The following RAB11FIP1 variants were observed in gnomAD, a reference collection of about 807,000 sequenced individuals.
RAB11FIP1 encodes the protein RAB11 family interacting protein 1, also known as rab11 family-interacting protein 1.
In RAB11FIP1, 49 loss-of-function variants were observed where a neutral mutation model predicts 83.1. The ratio of observed to expected loss-of-function variants is 0.59; its 90% CI spans 0.47 to 0.75. The LOEUF is 0.75. RAB11FIP1 is among the 30% of genes least tolerant of loss of function. The probability of loss-of-function intolerance (pLI) is 0.00; values close to 1 mark genes in which losing one functional copy is unlikely to be tolerated. For missense variants in RAB11FIP1, 1,536 were observed against 1,598.7 expected, an observed-to-expected ratio of 0.96 and a Z score of 0.67; for synonymous variants, 670 against 656.0, an observed-to-expected ratio of 1.02 and a Z score of -0.33.
At chr8:37,877,638 T>G (rs1349852856) in intron 1 of RAB11FIP1, 87 bp from the exon 2 acceptor site, 27 of 811,760 alleles carry the variant, frequency 3.3e-5, no homozygotes, top group Non-Finnish European at 4.4e-5. Context: ...CTCTCCTCTC[T>G]GCTACCAGCA....
Position 37,862,469 on chromosome 8 carries a change from T to C in RAB11FIP1, c.*426A>G, listed in dbSNP as rs1806256541. ...TGTATGTAACACAGCACCAATCGCA[T>C]GGTCCTTTTCTCATTTAAAGCTTTC... is the stretch of plus-strand genomic sequence containing the variant. On this transcript the variant is annotated 3_prime_UTR_variant, in exon 6 of 6. Coordinates refer to ENST00000330843, the MANE Select transcript of RAB11FIP1 (RefSeq NM_001002814.3). The C allele has an allele frequency of 6.0e-6, 1 of 166,020 alleles. No homozygotes were observed. Among genetic ancestry groups the C allele is most frequent in the Non-Finnish European group, 1.3e-5 (1 of 75,690 alleles). The allele number at this position is 166,020 out of a possible 1,614,324, so 10.3% of individuals were successfully genotyped here. A position where few individuals can be genotyped will look rare whatever the true frequency, so the allele number is the denominator to read the frequency against.
chr8:37,884,062 ATT>A (rs1806774953), intron 1 of RAB11FIP1, among the ~76,000 whole-genome samples: 2 of 151,952 alleles, frequency 1.3e-5, no homozygotes, highest in Admixed American at 6.6e-5. Flanking sequence ...TTATTTATTT[ATT>A]TATTTATTTT....
Position 37,861,630 on chromosome 8 carries a change from C to T in RAB11FIP1, c.*1265G>A, listed in dbSNP as rs991829147. On this transcript the variant is annotated 3_prime_UTR_variant, in exon 6 of 6. Coordinates refer to ENST00000330843, the MANE Select transcript of RAB11FIP1 (RefSeq NM_001002814.3). The stretch of plus-strand genomic sequence containing the variant: ...TTAAGAGTCTTAAAAAAACTCTTGC[C>T]CAGGCTGGAGTGCAGTGGCACGATC... 2.3e-6 allele frequency: 1 copy of T among 438,372 alleles called. No individual in the cohort carries two copies. Among genetic ancestry groups the T allele is most frequent in the Non-Finnish European group, 4.5e-6 (1 of 223,076 alleles). 27.2% of individuals were successfully genotyped at this position (438,372 alleles called of 1,614,324 possible).
At position 37,874,927 on chromosome 8, in the gene RAB11FIP1, C is replaced by G. The variant is rs1806574037; in HGVS notation, c.1210G>C (p.Val404Leu). ...ATGTTTTCCCTGAGGTCCCCACTGA[C>G]CAGTGGGGCAGGTCGGTAGGACGGC... Reference protein sequence around the residue: ...TLPSYRPAPLVSGDLRENMAP... With the variant: ...TLPSYRPAPLLSGDLRENMAP... The change falls in exon 3 of 6, where the codon GTC becomes CTC. Residue 404 changes from valine (V) to leucine (L), a missense_variant. Transcript: ENST00000330843. 4.3e-6 allele frequency: 7 copies of G among 1,614,144 alleles called. No individual in the cohort carries two copies. The highest frequency in any genetic ancestry group is 5.9e-6 in the Non-Finnish European group (7 of 1,180,024).
intron 1 of RAB11FIP1, among the ~76,000 whole-genome samples, chr8:37,879,325 A>C (rs1389570418): frequency 6.7e-6 from 1 of 148,810 alleles, no homozygotes; most frequent in East Asian, 1.9e-4. Context: ...CAAAAAAAAC[A>C]AAAAAAAAAG....
Position 37,871,930 on chromosome 8 carries a change from T to A in RAB11FIP1, c.2872A>T (p.Ser958Cys). The part of the protein sequence containing the change: ...KSPIMADLNL[S>C]LPSIPEVASD... The stretch of plus-strand genomic sequence containing the variant: ...GCGACTTCAGGAATGGAAGGAAGGC[T>A]TAAGTTCAGATCGGCCATGATTGGA... Residue 958 changes from serine to cysteine, a missense_variant, in exon 4 of 6, where the codon AGC becomes TGC. Coordinates refer to ENST00000330843, the MANE Select transcript of RAB11FIP1 (RefSeq NM_001002814.3). 6.2e-7 allele frequency: 1 copy of A among 1,614,212 alleles called. No individual in the cohort carries two copies. Among genetic ancestry groups the A allele is most frequent in the Non-Finnish European group, 8.5e-7 (1 of 1,180,034 alleles).
chr8:37,889,826 C>T (rs899523161), intron 1 of RAB11FIP1, among the ~76,000 whole-genome samples: 3 of 152,078 alleles, frequency 2.0e-5, no homozygotes, highest in African/African-American at 4.8e-5. Context: ...CAGAGTCACC[C>T]GGGCTGGAGT....
intron 1 of RAB11FIP1, among the ~76,000 whole-genome samples, chr8:37,879,782 C>T (rs1318819723): frequency 6.6e-6 from 1 of 151,556 alleles, no homozygotes; most frequent in Non-Finnish European, 1.5e-5. Flanking sequence ...ACTCTAGAGG[C>T]TGAGGCAGGA....
chr8:37,865,904 T>C (rs1806332719), intron 5 of RAB11FIP1, among the ~76,000 whole-genome samples: 1 of 152,172 alleles, frequency 6.6e-6, no homozygotes, highest in Non-Finnish European at 1.5e-5. Flanking sequence ...ATGCCTAGAA[T>C]TGAAAATGTG....
chr8:37,865,147 ATC>A (rs148635851), intron 5 of RAB11FIP1, among the ~76,000 whole-genome samples: 3,027 of 152,106 alleles, frequency 0.02, 98 homozygotes, highest in African/African-American at 0.068. Context: ...TTTAGATTAT[ATC>A]TCTGTCATAT....
intron 1 of RAB11FIP1, among the ~76,000 whole-genome samples, chr8:37,896,113 C>T (rs150664057): frequency 0.014 from 2,062 of 152,012 alleles, 39 homozygotes; most frequent in African/African-American, 0.048. Flanking sequence ...AGTTCGAGAC[C>T]AGCCTGACCA....
intron 4 of RAB11FIP1, 175 bp downstream of exon 4, chr8:37,871,103 A>G: frequency 1.4e-6 from 1 of 717,650 alleles, no homozygotes; most frequent in Non-Finnish European, 2.2e-6. Flanking sequence ...TCTTGCTATA[A>G]ACGCAGCAGT....
At chr8:37,880,641 A>G (rs1806715809) in intron 1 of RAB11FIP1, among the ~76,000 whole-genome samples, 1 of 151,920 alleles carries the variant, frequency 6.6e-6, no homozygotes, top group African/African-American at 2.4e-5. Context: ...CGTACTTAAT[A>G]GTCCCAACTA....
rs1806231353 is a variant in RAB11FIP1 at position 37,861,505 on chromosome 8, A to G, written c.*1390T>C. 2.3e-6 allele frequency: 1 copy of G among 427,574 alleles called. No individual in the cohort carries two copies. Among genetic ancestry groups the G allele is most frequent in the African/African-American group, 2.1e-5 (1 of 47,744 alleles). 26.5% of individuals were successfully genotyped at this position (427,574 alleles called of 1,614,324 possible). A position where few individuals can be genotyped will look rare whatever the true frequency, so the allele number is the denominator to read the frequency against. Reference sequence around the variant, plus strand: ...ATGCAGTTCAATCCCTTTGGGGTCCAATCCATGGTCTCCTGTCCCCTGTAG... The same window carrying G: ...ATGCAGTTCAATCCCTTTGGGGTCCGATCCATGGTCTCCTGTCCCCTGTAG... On this transcript the variant is annotated 3_prime_UTR_variant, in exon 6 of 6. Coordinates refer to ENST00000330843, the MANE Select transcript of RAB11FIP1 (RefSeq NM_001002814.3).
At position 37,872,783 on chromosome 8, in the gene RAB11FIP1, G is replaced by C; in HGVS notation, c.2019C>G (p.Gly673=). The change falls in exon 4 of 6, where the codon GGC becomes GGG. Residue 673 remains glycine (G), a synonymous_variant. Transcript: ENST00000330843. ...ANKGTEDSLM[G]RTRETGTEKN... ...TCTCTGTGCCTGTCTCACGGGTCCT[G>C]CCCATCAGAGAATCTTCTGTCCCTT... 1.2e-6 allele frequency: 2 copies of C among 1,614,216 alleles called. No homozygotes were observed. Among genetic ancestry groups the C allele is most frequent in the Non-Finnish European group, 1.7e-6 (2 of 1,180,048 alleles).
chr8:37,876,414 T>G (rs1179035451), intron 2 of RAB11FIP1, among the ~76,000 whole-genome samples: 51 of 151,544 alleles, frequency 3.4e-4, no homozygotes. Context: ...GGCAACATAG[T>G]GAGACCTCAT....
At chr8:37,896,682 C>T (rs1807097227) in intron 1 of RAB11FIP1, among the ~76,000 whole-genome samples, 1 of 152,198 alleles carries the variant, frequency 6.6e-6, no homozygotes, top group Non-Finnish European at 1.5e-5. Context: ...CAATCTCTCA[C>T]AAAGCAGTTG....
Position 37,873,048 on chromosome 8 carries a change from T to C in RAB11FIP1, c.1754A>G (p.Asp585Gly). The C allele has an allele frequency of 6.2e-7, 1 of 1,614,090 alleles. No individual in the cohort carries two copies. The highest frequency in any genetic ancestry group is 8.5e-7 in the Non-Finnish European group (1 of 1,180,014). Reference sequence around the variant, plus strand: ...AGAAGGACTCTCAGAGGACTGTGTGTCTGCACCATGTCCCAATTCAGAGGG... The same window carrying C: ...AGAAGGACTCTCAGAGGACTGTGTGCCTGCACCATGTCCCAATTCAGAGGG... ...SVPSELGHGA[D>G]TQSSESPSVF... Residue 585 changes from aspartate (D) to glycine (G), a missense_variant, in exon 4 of 6, where the codon GAC becomes GGC. Transcript: ENST00000330843.
chr8:37,871,763 C>G lies in RAB11FIP1; in HGVS notation c.3039G>C (p.Gly1013=). The G allele has an allele frequency of 6.2e-7, 1 of 1,613,822 alleles. No individual in the cohort carries two copies. The highest frequency in any genetic ancestry group is 8.5e-7 in the Non-Finnish European group (1 of 1,179,920). ...LVVPCPERGK[G]PSGEADRLVL... The stretch of plus-strand genomic sequence containing the variant: ...CCAACCTATCTGCCTCGCCACTGGG[C>G]CCCTTTCCCCTCTCAGGACAGGGGA... Residue 1013 remains glycine (G), a synonymous_variant, in exon 4 of 6, where the codon GGG becomes GGC. Coordinates refer to ENST00000330843, the MANE Select transcript of RAB11FIP1 (RefSeq NM_001002814.3).
Sources: gnomAD v4.1 joint callset for allele counts (sites outside exome capture counted in the v4.1 genomes callset) on GRCh38, gnomAD v4.1.1 for gene constraint, MANE v1.5 for transcripts, NCBI Gene and HGNC (gene_info 2026-07-23, HGNC 2026-07-21) for gene names.